MEGF6: variants seen among roughly 807,000 people sequenced by gnomAD.
The protein encoded by MEGF6 is multiple epidermal growth factor-like domains protein 6.
Under a neutral mutation model 207.1 loss-of-function variants are expected in MEGF6, and 184 were observed. That is an observed-to-expected ratio of 0.89 (90% CI 0.79 to 1.00). The LOEUF is 1.00. Ranked by LOEUF, MEGF6 falls within the 50% of genes least tolerant of loss-of-function variation. The probability of loss-of-function intolerance (pLI) is 0.00; values close to 1 mark genes in which losing one functional copy is unlikely to be tolerated. For missense variants in MEGF6, 2,282 were observed against 2,202.9 expected, an observed-to-expected ratio of 1.04 and a Z score of -0.72; for synonymous variants, 1,038 against 910.0, an observed-to-expected ratio of 1.14 and a Z score of -2.53.
intron 2 of MEGF6, among the ~76,000 whole-genome samples, chr1:3,598,977 G>A (rs372920544): frequency 3.9e-5 from 6 of 152,312 alleles, no homozygotes; most frequent in African/African-American, 9.6e-5. Flanking sequence ...ATACCCGGGC[G>A]CCCTCTCAGC....
rs1450287942 is a variant in MEGF6 at position 3,493,866 on chromosome 1, T to G, written c.4292A>C (p.His1431Pro). 1 of 1,596,366 alleles carries G rather than the reference T, an allele frequency of 6.3e-7. No homozygotes were observed. The change falls in exon 34 of 37, where the codon CAC becomes CCC. Residue 1431 changes from histidine (H) to proline (P), a missense_variant. By Grantham distance (77) the His-to-Pro change is moderately conservative. Transcript: ENST00000356575. ...CCCCCCGTCACAGTCACAGCGCTGGTGGCAGCCCTCTCCAAATGAACCTGG... is the reference window on the plus strand; with the variant it reads ...CCCCCCGTCACAGTCACAGCGCTGGGGGCAGCCCTCTCCAAATGAACCTGG... Reference protein sequence around the residue: ...CEPGSFGEGCHQRCDCDGGAP... With the variant: ...CEPGSFGEGCPQRCDCDGGAP...
At chr1:3,550,000 C>T (rs1642833172) in intron 4 of MEGF6, among the ~76,000 whole-genome samples, 2 of 152,340 alleles carry the variant, frequency 1.3e-5, no homozygotes, top group Middle Eastern at 3.4e-3. Flanking sequence ...TCCCCGCTCT[C>T]CCCAGAGCTG....
chr1:3,603,765 G>A (rs1338770372), intron 1 of MEGF6, among the ~76,000 whole-genome samples: 1 of 146,358 alleles, frequency 6.8e-6, no homozygotes, highest in Non-Finnish European at 1.5e-5. Flanking sequence ...CTCCTAACCA[G>A]CCGCCGCCCC....
In MEGF6 at chr1:3,493,044, G is replaced by A. The variant is rs143086076; in HGVS notation, c.4388-277C>T. 70 of 476,914 alleles carry A rather than the reference G, an allele frequency of 1.5e-4. No individual in the cohort carries two copies. The East Asian group carries it at 2.3e-3, about 16-fold the overall frequency. 29.5% of individuals were successfully genotyped at this position (476,914 alleles called of 1,614,324 possible). ...AGAGTCACCACCGAGTTCCTGCCCC[G>A]CCCCAGGAGGGCAAACAGGAGCCAG... On this transcript the variant is annotated intron_variant, in intron 34 of 36. Transcript: ENST00000356575.
At chr1:3,590,451 C>T (rs56327544) in intron 3 of MEGF6, among the ~76,000 whole-genome samples, 39,286 of 152,116 alleles carry the variant, frequency 0.26, 5,638 homozygotes, top group East Asian at 0.38. Flanking sequence ...CCACAGGCTC[C>T]GCAAGGCGTT....
chr1:3,603,266 C>T (rs576697445), intron 1 of MEGF6, among the ~76,000 whole-genome samples: 5 of 152,246 alleles, frequency 3.3e-5, no homozygotes, highest in South Asian at 2.1e-4. Flanking sequence ...CAGACCCCAC[C>T]GGGCTCGGAG....
intron 14 of MEGF6, among the ~76,000 whole-genome samples, chr1:3,506,789 G>A (rs775735467): frequency 6.6e-6 from 1 of 152,062 alleles, no homozygotes; most frequent in Non-Finnish European, 1.5e-5. Flanking sequence ...CCAGGACCTG[G>A]AGACTAGGCA....
Position 3,497,128 on chromosome 1 carries a change from A to C in MEGF6, c.3482-9T>G, listed in dbSNP as rs1445700377. 6.4e-7 allele frequency: 1 copy of C among 1,574,238 alleles called. No individual in the cohort carries two copies. The highest frequency in any genetic ancestry group is 8.6e-7 in the Non-Finnish European group (1 of 1,157,228). On this transcript the variant is annotated splice_polypyrimidine_tract_variant and intron_variant, in intron 27 of 36. Transcript: ENST00000356575. ...GCTGCCGGGTGGGCAGGCTGGGTGGAGACAGGCAGGGTCGGTCCTGGCCCA... is the reference window on the plus strand; with the variant it reads ...GCTGCCGGGTGGGCAGGCTGGGTGGCGACAGGCAGGGTCGGTCCTGGCCCA...
At position 3,499,614 on chromosome 1, in the gene MEGF6, C is replaced by G; in HGVS notation, c.2939G>C (p.Gly980Ala). The change falls in exon 23 of 37, where the codon GGC becomes GCC. Residue 980 changes from glycine to alanine, a missense_variant. Physicochemically the swap from Gly to Ala is moderately conservative, Grantham distance 60 (BLOSUM62 0). Coordinates refer to ENST00000356575, the MANE Select transcript of MEGF6 (RefSeq NM_001409.4). Reference protein sequence around the residue: ...AVNGSCLCPAGRRGPRCAETC... With the variant: ...AVNGSCLCPAARRGPRCAETC... ...CTCGGCACAGCGGGGGCCCCGGCGG[C>G]CAGCGGGGCAGAGGCAGGAGCCATT... 1.3e-6 allele frequency: 2 copies of G among 1,587,024 alleles called. No individual in the cohort carries two copies. The highest frequency in any genetic ancestry group is 1.7e-6 in the Non-Finnish European group (2 of 1,167,734).
At chr1:3,508,818 A>T in intron 12 of MEGF6, 129 bp from the exon 13 acceptor site, 1 of 1,246,344 alleles carries the variant, frequency 8.0e-7, no homozygotes, top group East Asian at 2.5e-5. Context: ...GGGCCCCCAA[A>T]GGGTGACATG....
intron 4 of MEGF6, among the ~76,000 whole-genome samples, chr1:3,539,032 G>A (rs1477641175): frequency 1.3e-5 from 2 of 152,202 alleles, no homozygotes; most frequent in Non-Finnish European, 2.9e-5. Context: ...CTTTGGACAT[G>A]ACATTTTCAG....
In MEGF6 at chr1:3,565,816, C is replaced by A. The variant is rs997851560; in HGVS notation, c.481+14009G>T. 6.6e-6 allele frequency among the ~76,000 whole-genome samples: 1 copy of A among 152,188 alleles called. No homozygotes were observed. Among genetic ancestry groups the A allele is most frequent in the African/African-American group, 2.4e-5 (1 of 41,440 alleles). On this transcript the variant is annotated intron_variant, in intron 4 of 36. Coordinates refer to ENST00000356575, the MANE Select transcript of MEGF6 (RefSeq NM_001409.4). This position sits in a 1 kb window ranked among gnomAD's most constrained non-coding sequence, Gnocchi z 4.8. ...GTGTGGACATCCAGGTGCCTTCCAA[C>A]TCTGCTCCAGCCACGCTCGGCATTC...
At chr1:3,575,240 G>A (rs557437788) in intron 4 of MEGF6, among the ~76,000 whole-genome samples, 11 of 152,304 alleles carry the variant, frequency 7.2e-5, no homozygotes, top group South Asian at 2.1e-4. Context: ...GGTGGGACCC[G>A]GGTGCAAAGG....
At chr1:3,518,173 T>G in intron 5 of MEGF6, among the ~76,000 whole-genome samples, 1 of 152,172 alleles carries the variant, frequency 6.6e-6, no homozygotes, top group Non-Finnish European at 1.5e-5. Context: ...TATTTGGAGA[T>G]AGGGTCTCTG....
At chr1:3,510,362 C>T (rs1231974062) in intron 10 of MEGF6, among the ~76,000 whole-genome samples, 1 of 152,096 alleles carries the variant, frequency 6.6e-6, no homozygotes, top group African/African-American at 2.4e-5. Context: ...CACCCACAGC[C>T]CTGCACGCAG....
intron 3 of MEGF6, among the ~76,000 whole-genome samples, chr1:3,587,762 A>G (rs1643911723): frequency 1.3e-5 from 2 of 151,746 alleles, no homozygotes; most frequent in Non-Finnish European, 2.9e-5. Context: ...CTCCCTGCAG[A>G]CTCAAAGCCT....
rs187689918 is a variant in MEGF6 at position 3,535,689 on chromosome 1, C to A, written c.482-11443G>T. 3.7e-3 allele frequency among the ~76,000 whole-genome samples: 563 copies of A among 152,322 alleles called. 2 individuals carry two copies. The highest frequency in any genetic ancestry group is 0.012 in the African/African-American group (515 of 41,546). ...GCCCCCCAGCGGCCCTGGGTCCTGCCTTCTGCCCACGGCTCCTGGGACATT... is the reference window on the plus strand; with the variant it reads ...GCCCCCCAGCGGCCCTGGGTCCTGCATTCTGCCCACGGCTCCTGGGACATT... On this transcript the variant is annotated intron_variant, in intron 4 of 36. Coordinates refer to ENST00000356575, the MANE Select transcript of MEGF6 (RefSeq NM_001409.4).
rs926628350 is a variant in MEGF6 at position 3,573,687 on chromosome 1, C to T, written c.481+6138G>A. On this transcript the variant is annotated intron_variant, in intron 4 of 36. Transcript: ENST00000356575. The surrounding 1 kb of genome is among the most constrained non-coding windows in gnomAD (Gnocchi z 5.1). ...CCAGAGCCCGCCCTTCCAGGAGCCC[C>T]GTCCTCCCCTCCCACCACTCCCTGG... Among the ~76,000 whole-genome samples, 4 of 152,160 alleles carry T rather than the reference C, an allele frequency of 2.6e-5. No individual in the cohort carries two copies. The highest frequency in any genetic ancestry group is 1.9e-4 in the East Asian group (1 of 5,188).
At chr1:3,548,312 G>A (rs925461123) in intron 4 of MEGF6, among the ~76,000 whole-genome samples, 9 of 152,334 alleles carry the variant, frequency 5.9e-5, no homozygotes, top group Middle Eastern at 6.8e-3. Flanking sequence ...TCCTCAGGAC[G>A]GGCCCTGGAA....
Sources: allele counts gnomAD v4.1 joint callset (sites outside exome capture counted in the v4.1 genomes callset), GRCh38; gene constraint gnomAD v4.1.1; non-coding constraint Gnocchi (gnomAD v3.1); transcripts MANE v1.5; gene names NCBI Gene and HGNC (gene_info 2026-07-23, HGNC 2026-07-21).